The following PRUNE2 variants were observed in gnomAD, a reference collection of about 807,000 sequenced individuals.
PRUNE2 encodes the protein prune homolog 2 with BCH domain, also known as protein prune homolog 2.
PRUNE2 carries 164 observed loss-of-function variants against 252.0 expected under a neutral mutation model. That is an observed-to-expected ratio of 0.65 (90% CI 0.57 to 0.74). PRUNE2 has a LOEUF of 0.74. PRUNE2 is among the 30% of genes least tolerant of loss of function. The pLI is 0.00. For synonymous variants in PRUNE2, 1,292 were observed against 1,350.2 expected (o/e 0.96, Z 0.94); for missense variants, 3,495 against 3,711.0 (o/e 0.94, Z 1.51).
intron 1 of PRUNE2, among the ~76,000 whole-genome samples, chr9:76,899,423 G>A (rs939453850): frequency 6.6e-6 from 1 of 152,124 alleles, no homozygotes; most frequent in Non-Finnish European, 1.5e-5. Context: ...TGACTTTAGT[G>A]TCCTTCACCT....
intron 9 of PRUNE2, among the ~76,000 whole-genome samples, chr9:76,666,931 G>A (rs1043225898): frequency 1.3e-5 from 2 of 151,962 alleles, no homozygotes; most frequent in African/African-American, 4.8e-5. Flanking sequence ...CTGTAATCCC[G>A]GGTACTTGGG....
In PRUNE2 at chr9:76,711,176, T is replaced by C. The variant is rs2046700222; in HGVS notation, c.1098A>G (p.Thr366=). The C allele has an allele frequency of 6.2e-7, 1 of 1,613,982 alleles. No homozygotes were observed. The highest frequency in any genetic ancestry group is 8.5e-7 in the Non-Finnish European group (1 of 1,179,888). The part of the protein sequence containing the change: ...RCPEMVSNSR[T]SSTEAVAGSA... ...TGCCTGCCACGGCTTCTGTTGAGGA[T>C]GTCCGGCTATTGGAGACCATCTCTG... The change falls in exon 8 of 19, where the codon ACA becomes ACG. Residue 366 remains threonine (T), a synonymous_variant. Coordinates refer to ENST00000376718, the MANE Select transcript of PRUNE2 (RefSeq NM_015225.3).
At chr9:76,883,295 C>A (rs1425667678) in intron 1 of PRUNE2, among the ~76,000 whole-genome samples, 2 of 152,206 alleles carry the variant, frequency 1.3e-5, no homozygotes, top group African/African-American at 4.8e-5. Flanking sequence ...AGTAAAAAAA[C>A]ATCGCACCTT....
At chr9:76,746,802 C>T (rs963786073) in intron 6 of PRUNE2, among the ~76,000 whole-genome samples, 7 of 150,530 alleles carry the variant, frequency 4.7e-5, no homozygotes, top group African/African-American at 1.7e-4. Context: ...CTCCTGGTGA[C>T]GTTGCATGGG....
At chr9:76,723,761 C>G (rs2047844637) in intron 6 of PRUNE2, among the ~76,000 whole-genome samples, 1 of 151,096 alleles carries the variant, frequency 6.6e-6, no homozygotes, top group African/African-American at 2.4e-5. Context: ...AAAATCACTG[C>G]TTTCTTGTCA....
At chr9:76,883,964 T>A (rs913116114) in intron 1 of PRUNE2, among the ~76,000 whole-genome samples, 2 of 152,240 alleles carry the variant, frequency 1.3e-5, no homozygotes, top group Non-Finnish European at 2.9e-5. Flanking sequence ...TGGCACATAG[T>A]AAGTCCTGGT....
intron 9 of PRUNE2, among the ~76,000 whole-genome samples, chr9:76,658,099 C>A (rs537068535): frequency 6.6e-6 from 1 of 152,334 alleles, no homozygotes; most frequent in East Asian, 1.9e-4. Flanking sequence ...TGGCTCACGC[C>A]TATAATCCCA....
intron 9 of PRUNE2, among the ~76,000 whole-genome samples, chr9:76,674,454 T>G (rs1296788389): frequency 2.7e-4 from 41 of 152,162 alleles, no homozygotes; most frequent in East Asian, 7.7e-4. Flanking sequence ...TCATGGGTAG[T>G]AAGAATCAAT....
intron 1 of PRUNE2, chr9:76,868,804 T>C (rs2060995594): frequency 8.0e-6 from 1 of 124,818 alleles, no homozygotes; most frequent in Admixed American, 1.0e-4. Flanking sequence ...TTGTGATTCA[T>C]AAATAATTTT....
intron 6 of PRUNE2, among the ~76,000 whole-genome samples, chr9:76,751,275 C>CACAG (rs1589014451): frequency 1.0e-5 from 1 of 96,426 alleles, no homozygotes; most frequent in African/African-American, 3.5e-5. Flanking sequence ...CACACACAGA[C>CACAG]ACACACACAC....
At chr9:76,632,939 C>T (rs753102947) in intron 15 of PRUNE2, among the ~76,000 whole-genome samples, 52 of 152,148 alleles carry the variant, frequency 3.4e-4, no homozygotes, top group Admixed American at 5.9e-4. Context: ...TCTATGATGC[C>T]GGCTGGGCGC....
chr9:76,853,368 T>C (rs1161708929), intron 2 of PRUNE2, among the ~76,000 whole-genome samples: 1 of 152,212 alleles, frequency 6.6e-6, no homozygotes, highest in Non-Finnish European at 1.5e-5. Flanking sequence ...TTGTGTGACA[T>C]TGAAAATAAC....
chr9:76,726,701 G>C (rs888424666), intron 6 of PRUNE2, among the ~76,000 whole-genome samples: 9 of 152,156 alleles, frequency 5.9e-5, no homozygotes, highest in Non-Finnish European at 1.3e-4. Flanking sequence ...AAGCAGTCAA[G>C]CCTCCTTAAT....
At chr9:76,684,153 T>C (rs2043812390) in intron 9 of PRUNE2, among the ~76,000 whole-genome samples, 1 of 152,220 alleles carries the variant, frequency 6.6e-6, no homozygotes, top group African/African-American at 2.4e-5. Flanking sequence ...GATTATTTAT[T>C]ATAGTCACCA....
intron 16 of PRUNE2, among the ~76,000 whole-genome samples, chr9:76,625,767 GTCT>G (rs1026037426): frequency 8.5e-5 from 13 of 152,306 alleles, no homozygotes; most frequent in African/African-American, 2.9e-4. Context: ...GTGAGGCTCT[GTCT>G]TCTTGTTTCA....
intron 1 of PRUNE2, among the ~76,000 whole-genome samples, chr9:76,903,786 C>T (rs889853968): frequency 6.6e-6 from 1 of 152,046 alleles, no homozygotes; most frequent in Non-Finnish European, 1.5e-5. Flanking sequence ...TGAGGTTTCA[C>T]CATGTTGGCC....
At chr9:76,699,810 T>C (rs1490239672) in intron 9 of PRUNE2, among the ~76,000 whole-genome samples, 1 of 152,244 alleles carries the variant, frequency 6.6e-6, no homozygotes, top group Non-Finnish European at 1.5e-5. Flanking sequence ...TCTTCACACA[T>C]CATTCTTCCA....
chr9:76,621,622 C>T (rs1195771239), intron 17 of PRUNE2, among the ~76,000 whole-genome samples: 6 of 152,156 alleles, frequency 3.9e-5, no homozygotes, highest in Admixed American at 3.9e-4. Context: ...GGCAGTGGTT[C>T]TCAAAGCTGG....
intron 6 of PRUNE2, chr9:76,788,350 A>G (rs528764995): frequency 2.8e-6 from 2 of 706,086 alleles, no homozygotes; most frequent in Non-Finnish European, 5.3e-6. Context: ...TTGTGAATTC[A>G]GTTGATAGTT....
Sources: gnomAD v4.1 joint callset for allele counts (sites outside exome capture counted in the v4.1 genomes callset) on GRCh38, gnomAD v4.1.1 for gene constraint, MANE v1.5 for transcripts, NCBI Gene and HGNC (gene_info 2026-07-23, HGNC 2026-07-21) for gene names.